Variants in KCNIP4 observed in about 807,000 individuals in gnomAD.
KCNIP4 encodes the protein Kv channel-interacting protein 4.
KCNIP4 carries 12 observed loss-of-function variants against 34.0 expected under a neutral mutation model. That is an observed-to-expected ratio of 0.35 (90% CI 0.23 to 0.57). KCNIP4 has a LOEUF of 0.57. Among genes scored for constraint, KCNIP4 ranks in the 20% least tolerant of loss-of-function variants. The pLI is 0.83. For synonymous variants in KCNIP4, 124 were observed against 102.2 expected, an observed-to-expected ratio of 1.21 and a Z score of -1.29; for missense variants, 238 against 311.7, an observed-to-expected ratio of 0.76 and a Z score of 1.78.
chr4:21,473,169 C>G (rs538404121), intron 1 of KCNIP4, among the ~76,000 whole-genome samples: 1 of 152,274 alleles, frequency 6.6e-6, no homozygotes, highest in South Asian at 2.1e-4. Flanking sequence ...AATTACCCTA[C>G]AATAGGGCAA....
intron 1 of KCNIP4, among the ~76,000 whole-genome samples, chr4:21,660,656 T>C (rs1461532950): frequency 6.6e-6 from 1 of 152,150 alleles, no homozygotes; most frequent in East Asian, 1.9e-4. Flanking sequence ...AACTTGGACC[T>C]GGAGGTTAGA....
chr4:21,489,321 GA>G (rs529825719), intron 1 of KCNIP4, among the ~76,000 whole-genome samples: 31,524 of 125,348 alleles, frequency 0.25, 3,521 homozygotes, highest in Admixed American at 0.29. Context: ...ACATAGAGTT[GA>G]AAAAAAAAAA....
At chr4:20,922,553 CTATCTA>C (rs1729507806) in intron 1 of KCNIP4, among the ~76,000 whole-genome samples, 1 of 46,622 alleles carries the variant, frequency 2.1e-5, no homozygotes, top group Non-Finnish European at 4.5e-5. Flanking sequence ...GTCTGTCTAT[CTATCTA>C]TCTATCTATC....
chr4:21,792,068 G>A (rs1230105674), intron 1 of KCNIP4, among the ~76,000 whole-genome samples: 1 of 138,610 alleles, frequency 7.2e-6, no homozygotes, highest in Non-Finnish European at 1.5e-5. Flanking sequence ...CACTCTCTCT[G>A]TTTTTTTGAG....
chr4:21,869,057 C>A (rs1052380833), intron 1 of KCNIP4, among the ~76,000 whole-genome samples: 3 of 152,164 alleles, frequency 2.0e-5, no homozygotes, highest in African/African-American at 7.2e-5. Context: ...CCTATCTATT[C>A]CAATCTTATG....
chr4:21,004,592 A>G (rs373245904), intron 1 of KCNIP4, among the ~76,000 whole-genome samples: 21 of 152,286 alleles, frequency 1.4e-4, no homozygotes, highest in African/African-American at 5.1e-4. Flanking sequence ...GAAGAGGAGG[A>G]GCCTACAACA....
rs559071355 is a variant in KCNIP4, at chr4:21,258,369, A to G, written c.62-375660T>C. 7.2e-5 allele frequency among the ~76,000 whole-genome samples: 11 copies of G among 152,332 alleles called. No homozygotes were observed. The South Asian group carries it at 2.3e-3, about 32-fold the overall frequency. On this transcript the variant is annotated intron_variant, in intron 1 of 8. Coordinates refer to ENST00000382152, the MANE Select transcript of KCNIP4 (RefSeq NM_025221.6). ...CCTCAAATAGATGCTGCAGGATTCA[A>G]GAAAATGCAAATTTACTTTATCATG...
chr4:21,410,287 C>T lies in KCNIP4; in HGVS notation c.62-527578G>A, dbSNP rs368404229. Among the ~76,000 whole-genome samples, 197 of 152,276 alleles carry T rather than the reference C, an allele frequency of 1.3e-3. 1 individual carries two copies. The highest frequency in any genetic ancestry group is 4.5e-3 in the African/African-American group (185 of 41,560). ...TAAAATAGTTCTGCAAATTCTTTGA[C>T]GGTCTTGCCTTGCACAGGTGTTGCT... On this transcript the variant is annotated intron_variant, in intron 1 of 8. Transcript: ENST00000382152.
intron 1 of KCNIP4, among the ~76,000 whole-genome samples, chr4:21,319,117 G>A (rs1714104834): frequency 6.6e-6 from 1 of 152,168 alleles, no homozygotes; most frequent in South Asian, 2.1e-4. Flanking sequence ...TTCTAGCCTG[G>A]CACTTAGGGC....
intron 1 of KCNIP4, among the ~76,000 whole-genome samples, chr4:21,041,404 A>T (rs981507710): frequency 1.3e-5 from 2 of 152,194 alleles, no homozygotes; most frequent in African/African-American, 4.8e-5. Context: ...GTGCTATTAG[A>T]GGTTTCTCAG....
At chr4:21,620,408 G>A (rs139206464) in intron 1 of KCNIP4, among the ~76,000 whole-genome samples, 297 of 152,172 alleles carry the variant, frequency 2.0e-3, no homozygotes, top group African/African-American at 6.8e-3. Flanking sequence ...AGGCTGAGAT[G>A]GAAGGATCTC....
intron 1 of KCNIP4, among the ~76,000 whole-genome samples, chr4:21,270,986 CAA>C (rs370059673): frequency 2.3e-4 from 26 of 111,346 alleles, no homozygotes; most frequent in Non-Finnish European, 2.5e-4. Context: ...TCCCTGTCCC[CAA>C]AAAAAAAAAA....
chr4:21,479,020 A>G (rs1445937771), intron 1 of KCNIP4, among the ~76,000 whole-genome samples: 1 of 152,184 alleles, frequency 6.6e-6, no homozygotes, highest in Admixed American at 6.5e-5. Context: ...AGACTATAAC[A>G]TGCCAATCAC....
chr4:21,445,443 A>G (rs10049495), intron 1 of KCNIP4, among the ~76,000 whole-genome samples: 1,576 of 152,324 alleles, frequency 0.01, 28 homozygotes, highest in African/African-American at 0.036. Flanking sequence ...CCAACGGAAC[A>G]GAACAGAGCC....
chr4:21,067,141 C>T (rs79358353), intron 1 of KCNIP4, among the ~76,000 whole-genome samples: 3,544 of 152,182 alleles, frequency 0.023, 126 homozygotes, highest in African/African-American at 0.08. Flanking sequence ...TTTCTAGACA[C>T]GCATTGGGCC....
At chr4:21,490,545 T>A (rs1577453029) in intron 1 of KCNIP4, among the ~76,000 whole-genome samples, 1 of 152,260 alleles carries the variant, frequency 6.6e-6, no homozygotes, top group East Asian at 1.9e-4. Flanking sequence ...ACATATGTAA[T>A]TTAGGAATCA....
intron 1 of KCNIP4, among the ~76,000 whole-genome samples, chr4:21,147,858 G>A (rs988174161): frequency 1.1e-4 from 16 of 143,162 alleles, no homozygotes; most frequent in Non-Finnish European, 4.5e-5. Flanking sequence ...AGAATTGCTT[G>A]AACCTGGGAA....
intron 3 of KCNIP4, among the ~76,000 whole-genome samples, chr4:20,774,271 A>G (rs1560455485): frequency 6.6e-6 from 1 of 152,140 alleles, no homozygotes; most frequent in African/African-American, 2.4e-5. Context: ...GTTAAATACC[A>G]TCTGCTTATT....
chr4:20,944,203 T>A (rs1347385), intron 1 of KCNIP4, among the ~76,000 whole-genome samples: 120,837 of 152,124 alleles, frequency 0.79, 48,185 homozygotes, highest in East Asian at 0.84. Flanking sequence ...ATGCTCCATT[T>A]TTCTCAGCTG....
Sources: allele counts gnomAD v4.1 joint callset (sites outside exome capture counted in the v4.1 genomes callset), GRCh38; gene constraint gnomAD v4.1.1; transcripts MANE v1.5; gene names NCBI Gene and HGNC (gene_info 2026-07-23, HGNC 2026-07-21).